The following TNS1 variants were observed in gnomAD, a reference collection of about 807,000 sequenced individuals.
TNS1 encodes the protein tensin 1.
TNS1 carries 62 observed loss-of-function variants against 168.6 expected under a neutral mutation model. That is an observed-to-expected ratio of 0.37 (90% CI 0.30 to 0.45). The LOEUF is 0.45. TNS1 is among the 20% of genes least tolerant of loss of function. TNS1 has a pLI of 1.00. For missense variants in TNS1, 2,240 were observed against 2,339.4 expected, an observed-to-expected ratio of 0.96 and a Z score of 0.88; for synonymous variants, 934 against 933.2, an observed-to-expected ratio of 1.00 and a Z score of -0.02.
rs747364987 is a variant in TNS1 at position 217,978,811 on chromosome 2, G to A, written c.149-9C>T. 1.8e-4 allele frequency: 128 copies of A among 702,348 alleles called. 1 individual carries two copies. The South Asian group carries it at 1.8e-3, about 10-fold the overall frequency. 43.5% of individuals were successfully genotyped at this position (702,348 alleles called of 1,614,324 possible). Reference sequence around the variant, plus strand: ...ACAGGAGAAGCTGCAGACTGCAAGAGGGCGAGACACAGAAAGAAAGTTTTA... The same window carrying A: ...ACAGGAGAAGCTGCAGACTGCAAGAAGGCGAGACACAGAAAGAAAGTTTTA... On this transcript the variant is annotated splice_polypyrimidine_tract_variant and intron_variant, in intron 2 of 32. Transcript: ENST00000682258.
chr2:217,883,150 T>C (rs1950844943), intron 16 of TNS1, among the ~76,000 whole-genome samples: 1 of 152,230 alleles, frequency 6.6e-6, no homozygotes, highest in Non-Finnish European at 1.5e-5. Flanking sequence ...ATGAATAATT[T>C]GGTTCACTTA....
At chr2:217,946,065 C>T (rs992810465) in intron 3 of TNS1, among the ~76,000 whole-genome samples, 8 of 152,212 alleles carry the variant, frequency 5.3e-5, no homozygotes, top group African/African-American at 1.9e-4. Flanking sequence ...CTGCTACTTC[C>T]AGTCCAAGCT....
chr2:218,014,660 G>A (rs531511477), upstream of TNS1, among the ~76,000 whole-genome samples: 10 of 152,232 alleles, frequency 6.6e-5, no homozygotes, highest in Non-Finnish European at 1.3e-4. Context: ...ACATCAATAC[G>A]TTCATTTCTT....
intron 3 of TNS1, among the ~76,000 whole-genome samples, chr2:217,944,717 C>T (rs1488474980): frequency 6.6e-6 from 1 of 152,210 alleles, no homozygotes; most frequent in Non-Finnish European, 1.5e-5. Context: ...TGCTTCAACT[C>T]TCTTTGAAAT....
rs990093825 is a variant in TNS1, at chr2:217,896,583, C to T, written c.543+1215G>A. On this transcript the variant is annotated intron_variant, in intron 8 of 32. Coordinates refer to ENST00000682258, the MANE Select transcript of TNS1 (RefSeq NM_001387777.1). ...ATAGGATTCAGAGGGAGCATGGCCC[C>T]GTCAACACCTTGATTTCAGATTTCC... Among the ~76,000 whole-genome samples, 7 of 152,282 alleles carry T rather than the reference C, an allele frequency of 4.6e-5. 1 individual carries two copies. The highest frequency in any genetic ancestry group is 6.8e-3 in the Middle Eastern group (2 of 294).
At chr2:218,016,018 G>A (rs757791921) in intron 1 of TNS1, among the ~76,000 whole-genome samples, 23 of 151,334 alleles carry the variant, frequency 1.5e-4, no homozygotes, top group South Asian at 2.1e-4. Flanking sequence ...GAGATGAATG[G>A]AAAGTGCAGG....
rs574734626 is a variant in TNS1, at chr2:217,916,216, G to A, written c.228+3979C>T. Among the ~76,000 whole-genome samples, 15 of 152,174 alleles carry A rather than the reference G, an allele frequency of 9.9e-5. No homozygotes were observed. In the South Asian group the frequency reaches 1.5e-3, roughly 15 times the overall value. On this transcript the variant is annotated intron_variant, in intron 4 of 32. Coordinates refer to ENST00000682258, the MANE Select transcript of TNS1 (RefSeq NM_001387777.1). ...TATTATGAGTGAAACCAGCCTCCTCGGGCTCCCATGGTGTCCCCCTGCAAT... is the reference window on the plus strand; with the variant it reads ...TATTATGAGTGAAACCAGCCTCCTCAGGCTCCCATGGTGTCCCCCTGCAAT...
At chr2:217,851,123 AAC>A (rs533619206) in intron 18 of TNS1, among the ~76,000 whole-genome samples, 5 of 145,766 alleles carry the variant, frequency 3.4e-5, no homozygotes, top group Admixed American at 7.0e-5. Flanking sequence ...TCATATCACA[AAC>A]ACACACACAC....
intron 3 of TNS1, among the ~76,000 whole-genome samples, chr2:217,975,147 A>G (rs964027790): frequency 2.0e-5 from 3 of 152,124 alleles, no homozygotes; most frequent in African/African-American, 7.2e-5. Context: ...AACTGAGGCT[A>G]CCTGGCAACA....
intron 19 of TNS1, chr2:217,842,305 A>G (rs1483060537): frequency 1.8e-6 from 1 of 545,774 alleles, no homozygotes; most frequent in African/African-American, 1.9e-5. Flanking sequence ...CAGATGTTTC[A>G]TGGTCATCTC....
rs1300909762 is a variant in TNS1, at chr2:217,920,207, G to A, written c.216C>T (p.Asn72=). 3 of 702,910 alleles carry A rather than the reference G, an allele frequency of 4.3e-6. No homozygotes were observed. The highest frequency in any genetic ancestry group is 7.8e-6 in the Non-Finnish European group (3 of 385,012). 43.5% of individuals were successfully genotyped at this position (702,910 alleles called of 1,614,324 possible). ...GGCTGTCACTCACCACCAGCTCATG[G>A]TTGGATGGAGGAACGCAGGGGGCAG... is the stretch of plus-strand genomic sequence containing the variant. ...KVAAPCVPPS[N]HELVPITTEN... The change falls in exon 4 of 33, where the codon AAC becomes AAT. Residue 72 remains asparagine, a synonymous_variant. Coordinates refer to ENST00000682258, the MANE Select transcript of TNS1 (RefSeq NM_001387777.1).
chr2:217,935,889 G>C (rs1241723177), intron 3 of TNS1, among the ~76,000 whole-genome samples: 1 of 152,172 alleles, frequency 6.6e-6, no homozygotes, highest in African/African-American at 2.4e-5. Flanking sequence ...AAGAGATGGG[G>C]TCAGGATTCA....
At chr2:217,822,311 T>C (rs1942995197) in intron 22 of TNS1, among the ~76,000 whole-genome samples, 1 of 151,958 alleles carries the variant, frequency 6.6e-6, no homozygotes. Context: ...GCCACTAGAG[T>C]CTGGGGCCCT....
At chr2:217,910,409 C>G (rs1318517310) in intron 4 of TNS1, among the ~76,000 whole-genome samples, 1 of 152,096 alleles carries the variant, frequency 6.6e-6, no homozygotes, top group African/African-American at 2.4e-5. Context: ...TGCTGCCCGA[C>G]CCTCCTCTGC....
intron 24 of TNS1, among the ~76,000 whole-genome samples, chr2:217,815,631 C>T (rs1941775710): frequency 6.6e-6 from 1 of 152,224 alleles, no homozygotes; most frequent in African/African-American, 2.4e-5. Context: ...ACAGAGCCCA[C>T]TGAAAGCCTT....
intron 3 of TNS1, among the ~76,000 whole-genome samples, chr2:217,976,595 G>A (rs558844016): frequency 3.5e-4 from 53 of 152,296 alleles, no homozygotes; most frequent in South Asian, 2.1e-3. Flanking sequence ...GCAGCACTGC[G>A]GCAGCCTGGT....
At position 217,995,913 on chromosome 2, in the gene TNS1, G is replaced by A. The variant is rs77766240; in HGVS notation, c.34-4857C>T. Among the ~76,000 whole-genome samples the A allele has an allele frequency of 0.048, 7,266 of 152,238 alleles. 507 individuals carry two copies. The highest frequency in any genetic ancestry group is 0.15 in the African/African-American group (6,196 of 41,526). Reference sequence around the variant, plus strand: ...GCCCACCCAGCATCAGAGGGCTTTCGTGGCCCTCGGGGCTTCCTCTCCCTT... The same window carrying A: ...GCCCACCCAGCATCAGAGGGCTTTCATGGCCCTCGGGGCTTCCTCTCCCTT... On this transcript the variant is annotated intron_variant, in intron 1 of 32. Coordinates refer to ENST00000682258, the MANE Select transcript of TNS1 (RefSeq NM_001387777.1). This position sits in a 1 kb window ranked among gnomAD's most constrained non-coding sequence, Gnocchi z 4.1.
At position 217,813,450 on chromosome 2, in the gene TNS1, G is replaced by T; in HGVS notation, c.4862-143C>A. The T allele has an allele frequency of 1.1e-6, 1 of 898,104 alleles. No individual in the cohort carries two copies. The highest frequency in any genetic ancestry group is 1.7e-6 in the Non-Finnish European group (1 of 580,048). The allele number at this position is 898,104 out of a possible 1,614,324, so 55.6% of individuals were successfully genotyped here. On this transcript the variant is annotated intron_variant, in intron 26 of 32. Coordinates refer to ENST00000682258, the MANE Select transcript of TNS1 (RefSeq NM_001387777.1). This position sits in a 1 kb window ranked among gnomAD's most constrained non-coding sequence, Gnocchi z 4.0. Reference sequence around the variant, plus strand: ...AGAGAGAACGTGGCTGGAGCCCCATGGACTGCAGAGCCCACTGCTGCTCTC... The same window carrying T: ...AGAGAGAACGTGGCTGGAGCCCCATTGACTGCAGAGCCCACTGCTGCTCTC...
At chr2:217,961,391 C>T (rs1408316348) in intron 3 of TNS1, among the ~76,000 whole-genome samples, 1 of 152,112 alleles carries the variant, frequency 6.6e-6, no homozygotes, top group African/African-American at 2.4e-5. Flanking sequence ...GTCGGCACCA[C>T]CTTAGCCTCT....
Sources: gnomAD v4.1 joint callset for allele counts (sites outside exome capture counted in the v4.1 genomes callset) on GRCh38, gnomAD v4.1.1 for gene constraint, Gnocchi (gnomAD v3.1) non-coding constraint, MANE v1.5 for transcripts, NCBI Gene and HGNC (gene_info 2026-07-23, HGNC 2026-07-21) for gene names.